RXYLT1: variants seen among roughly 807,000 people sequenced by gnomAD.
RXYLT1 encodes ribitol-5-phosphate xylosyltransferase 1.
RXYLT1 carries 41 observed loss-of-function variants against 43.5 expected under a neutral mutation model. That is an observed-to-expected ratio of 0.94 (90% CI 0.73 to 1.22). The LOEUF is 1.22. RXYLT1 is among the 50% of genes most tolerant of loss of function. The pLI, the probability that RXYLT1 is intolerant of heterozygous loss-of-function variation, is 0.00. For synonymous variants in RXYLT1, 166 were observed against 194.4 expected, an observed-to-expected ratio of 0.85 and a Z score of 1.21; for missense variants, 514 against 532.0, an observed-to-expected ratio of 0.97 and a Z score of 0.33.
intron 3 of RXYLT1, among the ~76,000 whole-genome samples, chr12:63,800,941 TACA>T: frequency 6.6e-6 from 1 of 151,494 alleles, no homozygotes; most frequent in South Asian, 2.1e-4. Flanking sequence ...AAAATGGTAA[TACA>T]ACACATTCCC....
chr12:63,792,478 C>A (rs1897938431), intron 3 of RXYLT1, among the ~76,000 whole-genome samples: 1 of 152,200 alleles, frequency 6.6e-6, no homozygotes. Context: ...AGCATTCAGG[C>A]TGCTTAGAAG....
chr12:63,800,420 A>T (rs1565905163), intron 3 of RXYLT1, among the ~76,000 whole-genome samples: 1 of 152,364 alleles, frequency 6.6e-6, no homozygotes, highest in East Asian at 1.9e-4. Context: ...TTCTATCAGG[A>T]TATAAAGAAA....
chr12:63,780,082 G>A lies in RXYLT1; in HGVS notation c.122G>A (p.Arg41Gln), dbSNP rs1238465961. 1 of 1,590,116 alleles carries A rather than the reference G, an allele frequency of 6.3e-7. No homozygotes were observed. Among genetic ancestry groups the A allele is most frequent in the Admixed American group, 1.7e-5 (1 of 57,776 alleles). Residue 41 changes from arginine to glutamine, a missense_variant, in exon 1 of 6, where the codon CGG becomes CAG. Coordinates refer to ENST00000261234, the MANE Select transcript of RXYLT1 (RefSeq NM_014254.3). ...RRRQAPAGSP[R>Q]GLRKGAAPAR... Reference sequence around the variant, plus strand: ...CGCCAGGCGCCGGCCGGGTCCCCGCGGGGCCTCAGGAAGGGGGCGGCCCCC... The same window carrying A: ...CGCCAGGCGCCGGCCGGGTCCCCGCAGGGCCTCAGGAAGGGGGCGGCCCCC...
intron 3 of RXYLT1, among the ~76,000 whole-genome samples, chr12:63,797,946 CAA>C (rs1247755832): frequency 6.6e-6 from 1 of 152,058 alleles, no homozygotes; most frequent in African/African-American, 2.4e-5. Flanking sequence ...GAGAGGGAAA[CAA>C]ATCTGAGAAG....
intron 2 of RXYLT1, 100 bp from the exon 3 acceptor site, chr12:63,784,870 T>C: frequency 5.1e-6 from 5 of 984,104 alleles, no homozygotes; most frequent in South Asian, 3.3e-5. Flanking sequence ...TCTGGTTTTA[T>C]AGTCAAATGA....
chr12:63,783,071 A>G (rs998346324), intron 2 of RXYLT1, among the ~76,000 whole-genome samples: 1 of 152,212 alleles, frequency 6.6e-6, no homozygotes, highest in African/African-American at 2.4e-5. Flanking sequence ...ATACAATCCA[A>G]CTAAGCTTTT....
At chr12:63,786,335 T>A (rs1419096405) in intron 3 of RXYLT1, among the ~76,000 whole-genome samples, 2 of 152,156 alleles carry the variant, frequency 1.3e-5, no homozygotes, top group Non-Finnish European at 2.9e-5. Context: ...TTCTGAAATA[T>A]TTGTGGGAGA....
intron 3 of RXYLT1, among the ~76,000 whole-genome samples, chr12:63,792,166 G>C (rs1183630365): frequency 6.6e-6 from 1 of 152,146 alleles, no homozygotes; most frequent in Non-Finnish European, 1.5e-5. Flanking sequence ...TTCTGTATTG[G>C]TCCCTAAAGA....
chr12:63,808,962 C>G lies in RXYLT1; in HGVS notation c.1202C>G (p.Thr401Ser), dbSNP rs202056995. The G allele has an allele frequency of 1.2e-6, 2 of 1,613,160 alleles. No homozygotes were observed. The highest frequency in any genetic ancestry group is 1.7e-6 in the Non-Finnish European group (2 of 1,179,782). The change falls in exon 6 of 6, where the codon ACT becomes AGT. Residue 401 changes from threonine to serine, a missense_variant. Transcript: ENST00000261234. ...ELPAVLEKEK[T>S]IILQEKIERR... The stretch of plus-strand genomic sequence containing the variant: ...CCTGCTGTTTTAGAAAAAGAGAAAA[C>G]TATAATTTTACAAGAAAAAATTGAA...
Position 63,781,107 on chromosome 12 carries a change from A to C in RXYLT1, c.258A>C (p.Gln86His), listed in dbSNP as rs768709939. The change falls in exon 2 of 6, where the codon CAA becomes CAC. Residue 86 changes from glutamine to histidine, a missense_variant. Physicochemically the swap from Gln to His is conservative, Grantham distance 24. Transcript: ENST00000261234. The stretch of plus-strand genomic sequence containing the variant: ...AACACAGATTTAAAACTAGCCTTCA[A>C]ATATTAGATAAATCCACGAAAGGAA... Reference protein sequence around the residue: ...EQQHRFKTSLQILDKSTKGKT... With the variant: ...EQQHRFKTSLHILDKSTKGKT... 1 of 1,609,804 alleles carries C rather than the reference A, an allele frequency of 6.2e-7. No individual in the cohort carries two copies. The highest frequency in any genetic ancestry group is 1.1e-5 in the South Asian group (1 of 89,996).
intron 3 of RXYLT1, among the ~76,000 whole-genome samples, chr12:63,788,800 CA>C (rs570014683): frequency 1.9e-3 from 283 of 152,324 alleles, no homozygotes; most frequent in African/African-American, 6.6e-3. Context: ...TCATTTCCTT[CA>C]AGAACTTTTC....
At chr12:63,787,094 A>AC (rs1295968998) in intron 3 of RXYLT1, among the ~76,000 whole-genome samples, 1 of 151,972 alleles carries the variant, frequency 6.6e-6, no homozygotes, top group Non-Finnish European at 1.5e-5. Flanking sequence ...ACCCCGGGCG[A>AC]CAGAATGAGT....
intron 3 of RXYLT1, among the ~76,000 whole-genome samples, chr12:63,785,846 A>T (rs1289313981): frequency 6.6e-6 from 1 of 152,152 alleles, no homozygotes; most frequent in Non-Finnish European, 1.5e-5. Context: ...TTTCTACAGA[A>T]ATCAGGAAAG....
intron 4 of RXYLT1, among the ~76,000 whole-genome samples, chr12:63,803,181 CAAAAAAAAA>C (rs763579072): frequency 8.8e-5 from 2 of 22,602 alleles, no homozygotes; most frequent in African/African-American, 1.5e-4. Flanking sequence ...ACTGTCTCAC[CAAAAAAAAA>C]AAAAAAAAAA....
At chr12:63,799,300 TTC>T (rs1407295957) in intron 3 of RXYLT1, among the ~76,000 whole-genome samples, 14 of 128,464 alleles carry the variant, frequency 1.1e-4, no homozygotes, top group African/African-American at 3.2e-4. Flanking sequence ...TTCTTTTCTT[TTC>T]TTTTTTTTTT....
intron 3 of RXYLT1, among the ~76,000 whole-genome samples, chr12:63,787,248 AG>A (rs1188450111): frequency 6.6e-6 from 1 of 152,226 alleles, no homozygotes; most frequent in Non-Finnish European, 1.5e-5. Flanking sequence ...ATTCCATCTC[AG>A]GAAACCACTT....
In RXYLT1 at chr12:63,779,911, C is replaced by T; in HGVS notation, c.-50C>T. 6.2e-7 allele frequency: 1 copy of T among 1,604,848 alleles called. No individual in the cohort carries two copies. The highest frequency in any genetic ancestry group is 2.2e-5 in the East Asian group (1 of 44,660). ...GGACGCCGCCGGTGTCGCGGATTCT[C>T]TTTCCGCCCGCTCCATGGCGGTGGA... On this transcript the variant is annotated 5_prime_UTR_variant, in exon 1 of 6. Coordinates refer to ENST00000261234, the MANE Select transcript of RXYLT1 (RefSeq NM_014254.3).
At chr12:63,787,837 G>A (rs12422679) in intron 3 of RXYLT1, among the ~76,000 whole-genome samples, 1 of 152,138 alleles carries the variant, frequency 6.6e-6, no homozygotes, top group Non-Finnish European at 1.5e-5. Flanking sequence ...ATGTTGGCCA[G>A]GTCTCCTGTC....
intron 3 of RXYLT1, 45 bp downstream of exon 3, chr12:63,785,117 C>T: frequency 7.2e-7 from 1 of 1,396,484 alleles, no homozygotes; most frequent in Admixed American, 2.0e-5. Context: ...TGATGTTTTG[C>T]TCTGCAATAT....
Sources: allele counts gnomAD v4.1 joint callset (sites outside exome capture counted in the v4.1 genomes callset), GRCh38; gene constraint gnomAD v4.1.1; transcripts MANE v1.5; gene names NCBI Gene and HGNC (gene_info 2026-07-23, HGNC 2026-07-21).